SLC41A2: variants seen among roughly 807,000 people sequenced by gnomAD.
The protein encoded by SLC41A2 is SLC41A1-like 1.
In SLC41A2, 32 loss-of-function variants were observed where a neutral mutation model predicts 58.3. The observed-to-expected ratio is 0.55, with a 90% CI of 0.41 to 0.74. The LOEUF is 0.74. SLC41A2 is among the 30% of genes least tolerant of loss of function. The probability of loss-of-function intolerance (pLI) is 0.00; values close to 1 mark genes in which losing one functional copy is unlikely to be tolerated. For missense variants in SLC41A2, 514 were observed against 680.6 expected (o/e 0.76, Z 2.72); for synonymous variants, 190 against 235.0 (o/e 0.81, Z 1.75).
intron 6 of SLC41A2, among the ~76,000 whole-genome samples, chr12:104,880,810 T>C (rs549928748): frequency 3.3e-5 from 5 of 152,206 alleles, no homozygotes; most frequent in Non-Finnish European, 7.3e-5. Context: ...GGCTTTGGTA[T>C]GAGGATGATG....
At chr12:104,904,232 C>T (rs2045700435) in intron 3 of SLC41A2, among the ~76,000 whole-genome samples, 1 of 152,168 alleles carries the variant, frequency 6.6e-6, no homozygotes, top group Admixed American at 6.5e-5. Flanking sequence ...ACTTTTCCTG[C>T]CAAAGTTATC....
rs73383446 is a variant in SLC41A2 at position 104,930,970 on chromosome 12, G to C, written c.-167-2276C>G. Among the ~76,000 whole-genome samples, 1,509 of 152,326 alleles carry C rather than the reference G, an allele frequency of 9.9e-3. 24 individuals carry two copies. Among genetic ancestry groups the C allele is most frequent in the African/African-American group, 0.035 (1,445 of 41,576 alleles). ...TTCTTACTTCGGTATAAGCTATCCA[G>C]AAGTTTAGATGCAGAGATGGATACT... On this transcript the variant is annotated intron_variant, in intron 1 of 10. Transcript: ENST00000258538.
chr12:104,819,793 G>A (rs1418608605), intron 10 of SLC41A2, among the ~76,000 whole-genome samples: 1 of 152,146 alleles, frequency 6.6e-6, no homozygotes, highest in Admixed American at 6.5e-5. Context: ...TAAGACTTTG[G>A]CAGTATGAAT....
chr12:104,917,425 C>T (rs1208326112), intron 2 of SLC41A2, among the ~76,000 whole-genome samples: 2 of 152,102 alleles, frequency 1.3e-5, no homozygotes, highest in Non-Finnish European at 1.5e-5. Context: ...GGCGATTCCT[C>T]GGGGATCTAG....
chr12:104,860,248 G>T (rs371050276), intron 8 of SLC41A2, among the ~76,000 whole-genome samples: 1 of 151,972 alleles, frequency 6.6e-6, no homozygotes, highest in African/African-American at 2.4e-5. Flanking sequence ...GGGGGGCAAG[G>T]GGAGGGAGAG....
intron 8 of SLC41A2, among the ~76,000 whole-genome samples, chr12:104,846,876 A>C (rs2042617320): frequency 6.6e-6 from 1 of 152,234 alleles, no homozygotes; most frequent in African/African-American, 2.4e-5. Flanking sequence ...CATCCTAATG[A>C]TCTAGCAGAA....
At chr12:104,812,821 A>G (rs2041233219) in intron 10 of SLC41A2, among the ~76,000 whole-genome samples, 1 of 152,124 alleles carries the variant, frequency 6.6e-6, no homozygotes, top group Non-Finnish European at 1.5e-5. Context: ...TTTGAGGGGC[A>G]AAACACTAAT....
chr12:104,841,592 G>A (rs2042412379), intron 10 of SLC41A2, among the ~76,000 whole-genome samples: 1 of 152,016 alleles, frequency 6.6e-6, no homozygotes, highest in Non-Finnish European at 1.5e-5. Context: ...TATTCACAGG[G>A]TACTTTGGGA....
chr12:104,852,459 C>T (rs1020755970), intron 8 of SLC41A2, among the ~76,000 whole-genome samples: 6 of 152,198 alleles, frequency 3.9e-5, no homozygotes, highest in African/African-American at 7.2e-5. Context: ...TTAATTGTAG[C>T]TCTCTTCTAA....
chr12:104,814,205 A>G (rs550222631), intron 10 of SLC41A2, among the ~76,000 whole-genome samples: 1 of 152,158 alleles, frequency 6.6e-6, no homozygotes, highest in South Asian at 2.1e-4. Context: ...GGAGTTTGAG[A>G]CCAGCTTGGG....
intron 3 of SLC41A2, among the ~76,000 whole-genome samples, chr12:104,896,762 T>C (rs574809171): frequency 3.3e-5 from 5 of 152,330 alleles, no homozygotes; most frequent in African/African-American, 1.2e-4. Context: ...GCCACGTTAA[T>C]TTGGCACTAT....
chr12:104,903,912 C>T (rs1033259988), intron 3 of SLC41A2, among the ~76,000 whole-genome samples: 1 of 152,096 alleles, frequency 6.6e-6, no homozygotes, highest in Non-Finnish European at 1.5e-5. Flanking sequence ...TCCTGAGACT[C>T]CTTCTCTTAA....
intron 10 of SLC41A2, among the ~76,000 whole-genome samples, chr12:104,816,590 G>A (rs1290970219): frequency 6.6e-6 from 1 of 152,102 alleles, no homozygotes; most frequent in African/African-American, 2.4e-5. Context: ...CAGGTAGAGA[G>A]TCTAATAAAA....
At chr12:104,941,253 A>G (rs2047502571) in intron 1 of SLC41A2, among the ~76,000 whole-genome samples, 2 of 152,208 alleles carry the variant, frequency 1.3e-5, no homozygotes, top group South Asian at 4.1e-4. Context: ...ATTCCATAAA[A>G]CAATTGCTCA....
rs543258010 is a variant in SLC41A2, at chr12:104,957,165, G to A, written c.-168+923C>T. On this transcript the variant is annotated intron_variant, in intron 1 of 10. Coordinates refer to ENST00000258538, the MANE Select transcript of SLC41A2 (RefSeq NM_001352171.3). ...TACATCAACTGATGAATAAACAAATGTGGTACACTGATACAACAATATTAA... is the reference window on the plus strand; with the variant it reads ...TACATCAACTGATGAATAAACAAATATGGTACACTGATACAACAATATTAA... Among the ~76,000 whole-genome samples the A allele has an allele frequency of 1.1e-4, 16 of 143,352 alleles. No homozygotes were observed. The East Asian group carries it at 1.8e-3, about 16-fold the overall frequency. The allele number at this position is 143,352 out of a possible 152,430, so 94.0% of individuals were successfully genotyped here. A position where few individuals can be genotyped will look rare whatever the true frequency, so the allele number is the denominator to read the frequency against.
intron 9 of SLC41A2, 111 bp downstream of exon 9, chr12:104,845,732 G>A (rs966109461): frequency 3.8e-5 from 43 of 1,118,928 alleles, no homozygotes; most frequent in Admixed American, 1.1e-4. Flanking sequence ...CTCAGAAATC[G>A]GAAAGTTGAG....
chr12:104,833,904 T>C (rs1030030797), intron 10 of SLC41A2: 2 of 496,962 alleles, frequency 4.0e-6, no homozygotes, highest in Non-Finnish European at 5.2e-6. Context: ...CACTCAGTTA[T>C]AAGATTTTTT....
At chr12:104,844,869 T>C (rs2042546502) in intron 9 of SLC41A2, among the ~76,000 whole-genome samples, 1 of 152,194 alleles carries the variant, frequency 6.6e-6, no homozygotes, top group African/African-American at 2.4e-5. Context: ...CACACTTTAA[T>C]ATCTATCATA....
At position 104,810,781 on chromosome 12, in the gene SLC41A2, T is replaced by A. The variant is rs548487099; in HGVS notation, c.1537-5444A>T. On this transcript the variant is annotated intron_variant, in intron 10 of 10. Transcript: ENST00000258538. ...CAGAGAGCATATGGTCCACTAATCC[T>A]CTGACATATAAAAAAAGCTAAGGCA... Among the ~76,000 whole-genome samples the A allele has an allele frequency of 1.2e-4, 19 of 152,226 alleles. No homozygotes were observed. In the South Asian group the frequency reaches 3.9e-3, roughly 32 times the overall value.
Sources: gnomAD v4.1 joint callset for allele counts (sites outside exome capture counted in the v4.1 genomes callset) on GRCh38, gnomAD v4.1.1 for gene constraint, MANE v1.5 for transcripts, NCBI Gene and HGNC (gene_info 2026-07-23, HGNC 2026-07-21) for gene names.